The following VAX2 variants were observed in gnomAD, a reference collection of about 807,000 sequenced individuals.
VAX2 encodes ventral anterior homeobox 2.
A neutral mutation model predicts 12.5 loss-of-function variants in VAX2; 8 were observed. The observed-to-expected ratio is 0.64, with a 90% CI of 0.37 to 1.15. The LOEUF (loss-of-function observed/expected upper bound fraction) is 1.15. VAX2 is among the 50% of genes most tolerant of loss of function. The probability of loss-of-function intolerance (pLI) is 0.01; values close to 1 mark genes in which losing one functional copy is unlikely to be tolerated. For missense variants in VAX2, 476 were observed against 412.9 expected, an observed-to-expected ratio of 1.15 and a Z score of -1.32; for synonymous variants, 183 against 187.6, an observed-to-expected ratio of 0.98 and a Z score of 0.20.
chr2:70,908,164 G>A (rs914264982), intron 1 of VAX2, among the ~76,000 whole-genome samples: 2 of 152,202 alleles, frequency 1.3e-5, no homozygotes, highest in African/African-American at 4.8e-5. Flanking sequence ...TTCATTTACT[G>A]TAATAGGTAA....
chr2:70,905,795 G>A (rs1413586329), intron 1 of VAX2, among the ~76,000 whole-genome samples: 1 of 152,230 alleles, frequency 6.6e-6, no homozygotes, highest in Non-Finnish European at 1.5e-5. Flanking sequence ...CTACAGGAAA[G>A]GGAGGAGATG....
chr2:70,928,026 G>A (rs556331421), intron 2 of VAX2, among the ~76,000 whole-genome samples: 2 of 152,328 alleles, frequency 1.3e-5, no homozygotes, highest in East Asian at 3.9e-4. Context: ...GATAAGGACC[G>A]ATCACTTTGG....
At chr2:70,910,508 C>T (rs1174730392) in intron 1 of VAX2, among the ~76,000 whole-genome samples, 1 of 152,002 alleles carries the variant, frequency 6.6e-6, no homozygotes, top group Non-Finnish European at 1.5e-5. Context: ...TACGTCCTCC[C>T]AACTCAGAAT....
chr2:70,921,286 G>GT lies in VAX2; in HGVS notation c.435+2dup, dbSNP rs1679452984. 8 of 1,605,928 alleles carry GT rather than the reference G, an allele frequency of 5.0e-6. No homozygotes were observed. Among genetic ancestry groups the GT allele is most frequent in the Non-Finnish European group, 5.9e-6 (7 of 1,176,874 alleles). Reference sequence around the variant, plus strand: ...CCAGCTGAACCTCTCCGAGACCCAGGTAAGAGACCAGGGCCAGGCCACTCC... The same window carrying GT: ...CCAGCTGAACCTCTCCGAGACCCAGGTTAAGAGACCAGGGCCAGGCCACTCC... On this transcript the variant is annotated splice_donor_variant, in intron 2 of 2. Transcript: ENST00000234392. LOFTEE classifies it high-confidence loss of function.
At chr2:70,924,008 G>A (rs1379291253) in intron 2 of VAX2, among the ~76,000 whole-genome samples, 1 of 152,050 alleles carries the variant, frequency 6.6e-6, no homozygotes, top group Non-Finnish European at 1.5e-5. Context: ...AGTTTACACT[G>A]TAAACTGCAG....
chr2:70,903,288 T>C (rs1553410010), intron 1 of VAX2, among the ~76,000 whole-genome samples: 1 of 152,164 alleles, frequency 6.6e-6, no homozygotes, highest in African/African-American at 2.4e-5. Context: ...AAGGGAGGCA[T>C]TTGCCCTTGC....
intron 1 of VAX2, among the ~76,000 whole-genome samples, chr2:70,917,142 A>C: frequency 9.9e-6 from 1 of 100,960 alleles, no homozygotes; most frequent in Non-Finnish European, 1.8e-5. Flanking sequence ...CAAGAGTGAA[A>C]CTCTGTCTCA....
chr2:70,915,975 C>A (rs1027432706), intron 1 of VAX2, among the ~76,000 whole-genome samples: 2 of 152,066 alleles, frequency 1.3e-5, no homozygotes, highest in African/African-American at 4.8e-5. Context: ...TTTAGCCTCA[C>A]CCTAAGCCTA....
intron 1 of VAX2, among the ~76,000 whole-genome samples, chr2:70,908,995 C>T (rs1679125598): frequency 1.3e-5 from 2 of 152,110 alleles, no homozygotes; most frequent in Non-Finnish European, 2.9e-5. Flanking sequence ...GATTCATTTC[C>T]TTTGACCAGT....
In VAX2 at chr2:70,904,005, T is replaced by A. The variant is rs575639632; in HGVS notation, c.247+3137T>A. 5.3e-5 allele frequency among the ~76,000 whole-genome samples: 8 copies of A among 152,186 alleles called. No individual in the cohort carries two copies. The highest frequency in any genetic ancestry group is 4.4e-5 in the Non-Finnish European group (3 of 68,032). ...AAGAGGCCAAACGTGGTGCGTCTCC[T>A]GCCTCAAAATGAAGACTCCTACATG... On this transcript the variant is annotated intron_variant, in intron 1 of 2. Transcript: ENST00000234392. This position sits in a 1 kb window ranked among gnomAD's most constrained non-coding sequence, Gnocchi z 4.2.
At chr2:70,928,025 C>T (rs1170197200) in intron 2 of VAX2, among the ~76,000 whole-genome samples, 4 of 152,164 alleles carry the variant, frequency 2.6e-5, no homozygotes, top group East Asian at 1.9e-4. Flanking sequence ...GGATAAGGAC[C>T]GATCACTTTG....
At chr2:70,913,284 G>A (rs1553411436) in intron 1 of VAX2, among the ~76,000 whole-genome samples, 1 of 152,172 alleles carries the variant, frequency 6.6e-6, no homozygotes, top group East Asian at 1.9e-4. Flanking sequence ...ATTGGGTTTT[G>A]TTATTTAGGG....
chr2:70,903,159 A>G (rs907499660), intron 1 of VAX2, among the ~76,000 whole-genome samples: 2 of 152,196 alleles, frequency 1.3e-5, no homozygotes, highest in Non-Finnish European at 1.5e-5. Context: ...GAAAGTCTGA[A>G]CTAACTGCCT....
intron 1 of VAX2, among the ~76,000 whole-genome samples, chr2:70,909,557 C>A (rs1679138110): frequency 6.6e-6 from 1 of 152,008 alleles, no homozygotes; most frequent in Non-Finnish European, 1.5e-5. Context: ...GATACACTTC[C>A]ACTCCTAAGA....
chr2:70,930,488 C>T (rs1558663423), intron 2 of VAX2, among the ~76,000 whole-genome samples: 1 of 152,228 alleles, frequency 6.6e-6, no homozygotes, highest in South Asian at 2.1e-4. Flanking sequence ...CACTTGCTCC[C>T]TCTTCCCCCA....
At chr2:70,930,189 C>T (rs958039523) in intron 2 of VAX2, among the ~76,000 whole-genome samples, 1 of 152,082 alleles carries the variant, frequency 6.6e-6, no homozygotes, top group African/African-American at 2.4e-5. Context: ...AAAACCAACA[C>T]TTTGTCTCTA....
chr2:70,905,296 A>AT (rs1558652835), intron 1 of VAX2, among the ~76,000 whole-genome samples: 1 of 151,794 alleles, frequency 6.6e-6, no homozygotes, highest in Non-Finnish European at 1.5e-5. Context: ...TATTTGTTTT[A>AT]TTTTTTGGTT....
rs2234498 is a variant in VAX2, at chr2:70,932,960, T to A, written c.629T>A (p.Leu210Gln). ...LLALTPSLPG[L>Q]PASHRGTSLG... ...GCGCTGACCCCTAGCCTGCCAGGCC[T>A]ACCTGCCAGCCACAGGGGCACCTCC... Residue 210 changes from leucine to glutamine, a missense_variant, in exon 3 of 3, where the codon CTA (leucine) becomes CAA (glutamine). Transcript: ENST00000234392. The A allele has an allele frequency of 6.2e-7, 1 of 1,611,584 alleles. No individual in the cohort carries two copies. The highest frequency in any genetic ancestry group is 1.1e-5 in the South Asian group (1 of 90,872).
chr2:70,924,604 C>A (rs923605183), intron 2 of VAX2, among the ~76,000 whole-genome samples: 5 of 151,966 alleles, frequency 3.3e-5, no homozygotes, highest in African/African-American at 7.3e-5. Context: ...GGTAATAGTA[C>A]CCATGAAGAT....
Sources: gnomAD v4.1 joint callset for allele counts (sites outside exome capture counted in the v4.1 genomes callset) on GRCh38, gnomAD v4.1.1 for gene constraint, Gnocchi (gnomAD v3.1) non-coding constraint, MANE v1.5 for transcripts, NCBI Gene and HGNC (gene_info 2026-07-23, HGNC 2026-07-21) for gene names.